Variants in WDPCP observed in about 807,000 individuals in gnomAD.
The protein encoded by WDPCP is WD repeat-containing and planar cell polarity effector protein fritz homolog.
In WDPCP, 71 loss-of-function variants were observed where a neutral mutation model predicts 93.1. The observed-to-expected ratio is 0.76, with a 90% CI of 0.63 to 0.93. The LOEUF is 0.93. Ranked by LOEUF, WDPCP falls within the 40% of genes least tolerant of loss-of-function variation. The probability of loss-of-function intolerance (pLI) is 0.00; values close to 1 mark genes in which losing one functional copy is unlikely to be tolerated. For missense variants in WDPCP, 844 were observed against 887.4 expected, an observed-to-expected ratio of 0.95 and a Z score of 0.62; for synonymous variants, 315 against 315.0, an observed-to-expected ratio of 1.00 and a Z score of 0.00.
At chr2:63,236,030 G>C (rs1228118084) in intron 14 of WDPCP, among the ~76,000 whole-genome samples, 1 of 152,120 alleles carries the variant, frequency 6.6e-6, no homozygotes, top group Non-Finnish European at 1.5e-5. Flanking sequence ...CATCCAAAAA[G>C]GAAGTCAAAT....
chr2:63,198,125 G>A (rs997323689), intron 14 of WDPCP, among the ~76,000 whole-genome samples: 4 of 152,138 alleles, frequency 2.6e-5, no homozygotes, highest in Admixed American at 2.0e-4. Flanking sequence ...TTATTATGGT[G>A]TGAGGAGTGA....
intron 2 of WDPCP, chr2:63,717,142 G>A: frequency 5.3e-6 from 2 of 379,752 alleles, no homozygotes; most frequent in South Asian, 4.4e-5. Flanking sequence ...ACTCACTGTT[G>A]CCACCTGACT....
At chr2:63,537,372 A>G (rs1704370162) in intron 1 of WDPCP, among the ~76,000 whole-genome samples, 1 of 152,174 alleles carries the variant, frequency 6.6e-6, no homozygotes, top group South Asian at 2.1e-4. Flanking sequence ...ACTCTTTCGA[A>G]TCCATTCTCC....
At chr2:63,386,039 A>T (rs1468151895) in intron 10 of WDPCP, among the ~76,000 whole-genome samples, 1 of 151,976 alleles carries the variant, frequency 6.6e-6, no homozygotes, top group East Asian at 1.9e-4. Context: ...ATTAATCTCA[A>T]CCCATACCTC....
chr2:63,420,025 T>C (rs1695724573), intron 9 of WDPCP, among the ~76,000 whole-genome samples: 1 of 152,222 alleles, frequency 6.6e-6, no homozygotes, highest in Non-Finnish European at 1.5e-5. Context: ...CCTTACTTTG[T>C]GGAAATTTTT....
chr2:63,617,349 T>G (rs1242090755), intron 3 of WDPCP, among the ~76,000 whole-genome samples: 1 of 152,228 alleles, frequency 6.6e-6, no homozygotes, highest in Non-Finnish European at 1.5e-5. Context: ...ACCTCATATC[T>G]TCCTTATTTC....
intron 2 of WDPCP, among the ~76,000 whole-genome samples, chr2:63,745,735 C>T (rs1558900507): frequency 6.6e-6 from 1 of 152,068 alleles, no homozygotes. Context: ...CTATTATCAA[C>T]TATGTTTCCA....
At chr2:63,571,559 G>A (rs1462348027) in intron 1 of WDPCP, 1 of 470,930 alleles carries the variant, frequency 2.1e-6, no homozygotes, top group Non-Finnish European at 4.4e-6. Flanking sequence ...TGCCTGCTAT[G>A]GTCACTCTCC....
chr2:63,601,666 C>G (rs569734243), intron 3 of WDPCP, among the ~76,000 whole-genome samples: 47 of 152,130 alleles, frequency 3.1e-4, no homozygotes, highest in African/African-American at 1.1e-3. Flanking sequence ...TGGATTAGCT[C>G]AAGAGATAGA....
chr2:63,814,362 A>G (rs897553094), intron 1 of WDPCP, among the ~76,000 whole-genome samples: 14 of 152,102 alleles, frequency 9.2e-5, no homozygotes, highest in Non-Finnish European at 1.9e-4. Flanking sequence ...AAAAAAAAAA[A>G]GCAGAAAGAT....
chr2:63,548,268 A>G (rs972000181), intron 1 of WDPCP, among the ~76,000 whole-genome samples: 1 of 152,158 alleles, frequency 6.6e-6, no homozygotes, highest in African/African-American at 2.4e-5. Context: ...GATACCTGGT[A>G]CAGTTGTATT....
intron 13 of WDPCP, among the ~76,000 whole-genome samples, chr2:63,300,365 G>C (rs1246452857): frequency 6.6e-6 from 1 of 152,130 alleles, no homozygotes; most frequent in Non-Finnish European, 1.5e-5. Flanking sequence ...GAGTAGAGGG[G>C]AGCGAACTCC....
chr2:63,419,441 C>T (rs1003742033), intron 9 of WDPCP, among the ~76,000 whole-genome samples: 2 of 152,230 alleles, frequency 1.3e-5, no homozygotes, highest in Middle Eastern at 3.4e-3. Context: ...CGCCCGGCCC[C>T]TTAAGTGTAT....
At chr2:63,266,526 G>A (rs775871426) in intron 13 of WDPCP, among the ~76,000 whole-genome samples, 30 of 152,250 alleles carry the variant, frequency 2.0e-4, no homozygotes, top group Middle Eastern at 3.4e-3. Context: ...GAAAGATATC[G>A]GCTGGGCACG....
intron 14 of WDPCP, among the ~76,000 whole-genome samples, chr2:63,222,205 T>C (rs1677898182): frequency 6.6e-6 from 1 of 152,214 alleles, no homozygotes; most frequent in African/African-American, 2.4e-5. Flanking sequence ...AATGTGCCTA[T>C]AGCATTTTAT....
At chr2:63,752,515 T>G (rs575821246) in intron 2 of WDPCP, 1 of 750,344 alleles carries the variant, frequency 1.3e-6, no homozygotes, top group East Asian at 2.5e-5. Flanking sequence ...CCACACAGCT[T>G]GTGAGCATTC....
chr2:63,280,666 A>G (rs1196969631), intron 13 of WDPCP, among the ~76,000 whole-genome samples: 1 of 152,264 alleles, frequency 6.6e-6, no homozygotes, highest in African/African-American at 2.4e-5. Context: ...TAACCCAGAA[A>G]TAAAGGCAAA....
chr2:63,535,661 G>A (rs1284888048), intron 1 of WDPCP, among the ~76,000 whole-genome samples: 1 of 152,214 alleles, frequency 6.6e-6, no homozygotes, highest in Non-Finnish European at 1.5e-5. Context: ...CTAGCCATAT[G>A]TAGAAAGCTG....
intron 2 of WDPCP, among the ~76,000 whole-genome samples, chr2:63,759,950 C>T (rs1461082306): frequency 6.6e-6 from 1 of 152,172 alleles, no homozygotes; most frequent in Non-Finnish European, 1.5e-5. Flanking sequence ...AGCCTACACC[C>T]AGGGGGTGAT....
Sources: gnomAD v4.1 joint callset for allele counts (sites outside exome capture counted in the v4.1 genomes callset) on GRCh38, gnomAD v4.1.1 for gene constraint, MANE v1.5 for transcripts, NCBI Gene and HGNC (gene_info 2026-07-23, HGNC 2026-07-21) for gene names.